SSBP2: variants seen among roughly 807,000 people sequenced by gnomAD.
The protein encoded by SSBP2 is single-stranded DNA-binding protein 2.
SSBP2 carries 17 observed loss-of-function variants against 61.8 expected under a neutral mutation model. The ratio of observed to expected loss-of-function variants is 0.28; its 90% CI spans 0.19 to 0.41. SSBP2 has a LOEUF of 0.41. SSBP2 is among the 10% of genes least tolerant of loss of function. The pLI is 1.00. For missense variants in SSBP2, 310 were observed against 458.7 expected (o/e 0.68, Z 2.96); for synonymous variants, 139 against 141.3 (o/e 0.98, Z 0.12).
intron 2 of SSBP2, among the ~76,000 whole-genome samples, chr5:81,641,308 T>C (rs765602499): frequency 3.3e-5 from 5 of 152,196 alleles, no homozygotes; most frequent in African/African-American, 4.8e-5. Flanking sequence ...AGGTAATACA[T>C]TTGTATTTTA....
chr5:81,428,107 T>C (rs1041740616), intron 16 of SSBP2, among the ~76,000 whole-genome samples: 1 of 152,204 alleles, frequency 6.6e-6, no homozygotes, highest in Non-Finnish European at 1.5e-5. Flanking sequence ...AATGAACTTT[T>C]GTGTAACAGT....
At chr5:81,635,690 T>G (rs1162099856) in intron 3 of SSBP2, among the ~76,000 whole-genome samples, 2 of 151,740 alleles carry the variant, frequency 1.3e-5, no homozygotes, top group Non-Finnish European at 2.9e-5. Context: ...TTCACGCCAT[T>G]CTCCTGCCTT....
intron 1 of SSBP2, among the ~76,000 whole-genome samples, chr5:81,661,783 C>T (rs1331454490): frequency 6.6e-6 from 1 of 152,190 alleles, no homozygotes; most frequent in African/African-American, 2.4e-5. Flanking sequence ...TATTTTCCCC[C>T]ATTCCCTAGG....
chr5:81,432,223 T>C (rs1402336392), intron 15 of SSBP2, among the ~76,000 whole-genome samples: 3 of 152,040 alleles, frequency 2.0e-5, no homozygotes. Flanking sequence ...GATGATGGTG[T>C]AGATCTCTAG....
Position 81,657,329 on chromosome 5 carries a change from A to C in SSBP2, c.63-6990T>G, listed in dbSNP as rs1396544076. ...AAACTGGCAATCTAAATATCTGAGA[A>C]AGAAGAAATAATTAGATTATGATAA... On this transcript the variant is annotated intron_variant, in intron 1 of 16. Transcript: ENST00000320672. Among the ~76,000 whole-genome samples, 3 of 152,212 alleles carry C rather than the reference A, an allele frequency of 2.0e-5. 1 individual carries two copies. Among genetic ancestry groups the C allele is most frequent in the African/African-American group, 4.8e-5 (2 of 41,464 alleles).
intron 4 of SSBP2, among the ~76,000 whole-genome samples, chr5:81,514,992 TA>T (rs1417301541): frequency 2.0e-5 from 3 of 151,986 alleles, no homozygotes; most frequent in Non-Finnish European, 4.4e-5. Flanking sequence ...ATGGATCTAT[TA>T]TTCTAAGAAA....
intron 1 of SSBP2, among the ~76,000 whole-genome samples, chr5:81,660,019 C>G (rs1581273489): frequency 6.6e-6 from 1 of 152,186 alleles, no homozygotes; most frequent in East Asian, 1.9e-4. Flanking sequence ...AAAATTAACT[C>G]AAGATGAATT....
chr5:81,594,987 A>G (rs1440703309), intron 4 of SSBP2, among the ~76,000 whole-genome samples: 3 of 152,214 alleles, frequency 2.0e-5, no homozygotes, highest in Non-Finnish European at 4.4e-5. Context: ...AGAAATAACT[A>G]AGATCAGAGC....
At chr5:81,747,032 G>GT (rs1757396720) in intron 1 of SSBP2, among the ~76,000 whole-genome samples, 1 of 134,732 alleles carries the variant, frequency 7.4e-6, no homozygotes, top group South Asian at 2.8e-4. Flanking sequence ...TGGGGGGGGG[G>GT]GGAATCTGAA....
intron 4 of SSBP2, among the ~76,000 whole-genome samples, chr5:81,581,221 C>G (rs897978086): frequency 1.3e-5 from 2 of 152,122 alleles, no homozygotes; most frequent in African/African-American, 4.8e-5. Flanking sequence ...GATCGAGTCC[C>G]TTAAGGCCAG....
chr5:81,421,091 T>C (rs1761578866), intron 16 of SSBP2, among the ~76,000 whole-genome samples: 1 of 152,136 alleles, frequency 6.6e-6, no homozygotes, highest in Admixed American at 6.5e-5. Flanking sequence ...CAGAAACAAC[T>C]CCAAGCTGGC....
intron 4 of SSBP2, among the ~76,000 whole-genome samples, chr5:81,573,790 T>G (rs944609034): frequency 6.6e-6 from 1 of 151,948 alleles, no homozygotes; most frequent in Non-Finnish European, 1.5e-5. Flanking sequence ...ACAAAAGACA[T>G]AGAAACCAGA....
intron 3 of SSBP2, among the ~76,000 whole-genome samples, chr5:81,636,116 A>T (rs755793776): frequency 2.0e-4 from 31 of 152,188 alleles, no homozygotes; most frequent in Non-Finnish European, 4.1e-4. Context: ...AAGCAAAGAC[A>T]CAAACAGCTT....
At chr5:81,658,303 T>C (rs897977428) in intron 1 of SSBP2, among the ~76,000 whole-genome samples, 4 of 152,148 alleles carry the variant, frequency 2.6e-5, no homozygotes, top group Non-Finnish European at 5.9e-5. Flanking sequence ...TGAGCCTCCT[T>C]ATCTGTGGGT....
intron 4 of SSBP2, among the ~76,000 whole-genome samples, chr5:81,564,853 C>CTT (rs1773305448): frequency 6.6e-6 from 1 of 152,212 alleles, no homozygotes; most frequent in East Asian, 1.9e-4. Context: ...CTTACCAGAT[C>CTT]TTTTCACTTC....
intron 1 of SSBP2, among the ~76,000 whole-genome samples, chr5:81,707,230 G>A (rs1341557666): frequency 1.3e-5 from 2 of 152,046 alleles, no homozygotes; most frequent in East Asian, 3.9e-4. Context: ...AATGTTATAG[G>A]TAAAATTGTG....
At chr5:81,670,867 C>T (rs1427934773) in intron 1 of SSBP2, among the ~76,000 whole-genome samples, 1 of 152,306 alleles carries the variant, frequency 6.6e-6, no homozygotes, top group East Asian at 1.9e-4. Flanking sequence ...AGCTGTGACA[C>T]ATTCGGTGAT....
chr5:81,595,613 T>A (rs1444733623), intron 4 of SSBP2, among the ~76,000 whole-genome samples: 1 of 152,126 alleles, frequency 6.6e-6, no homozygotes, highest in Admixed American at 6.6e-5. Context: ...GCAAACTGAA[T>A]CCAGCAGCAC....
chr5:81,665,977 G>A (rs1224486855), intron 1 of SSBP2, among the ~76,000 whole-genome samples: 1 of 152,188 alleles, frequency 6.6e-6, no homozygotes, highest in Non-Finnish European at 1.5e-5. Context: ...CTTTTGAAAG[G>A]CTGCTCATAA....
Sources: allele counts gnomAD v4.1 joint callset (sites outside exome capture counted in the v4.1 genomes callset), GRCh38; gene constraint gnomAD v4.1.1; transcripts MANE v1.5; gene names NCBI Gene and HGNC (gene_info 2026-07-23, HGNC 2026-07-21).